PRLR: variants seen among roughly 807,000 people sequenced by gnomAD.
PRLR encodes the protein hPRL receptor.
PRLR carries 13 observed loss-of-function variants against 40.2 expected under a neutral mutation model. The observed-to-expected ratio is 0.32, with a 90% CI of 0.21 to 0.51. The LOEUF (loss-of-function observed/expected upper bound fraction) is 0.51. PRLR is among the 20% of genes least tolerant of loss of function. The pLI, the probability that PRLR is intolerant of heterozygous loss-of-function variation, is 0.97. For synonymous variants in PRLR, 269 were observed against 278.7 expected (o/e 0.97, Z 0.35); for missense variants, 656 against 747.3 (o/e 0.88, Z 1.42).
chr5:35,179,711 G>C (rs1358305510), intron 1 of PRLR, among the ~76,000 whole-genome samples: 1 of 152,112 alleles, frequency 6.6e-6, no homozygotes, highest in Non-Finnish European at 1.5e-5. Context: ...ATTTCATGTT[G>C]GATTATAATC....
intron 1 of PRLR, among the ~76,000 whole-genome samples, chr5:35,202,920 A>C (rs1775918337): frequency 6.6e-6 from 1 of 152,214 alleles, no homozygotes; most frequent in Non-Finnish European, 1.5e-5. Context: ...TGAAAATACC[A>C]GTGCAAATTC....
At chr5:35,111,892 T>C (rs1772682666) in intron 2 of PRLR, among the ~76,000 whole-genome samples, 1 of 152,192 alleles carries the variant, frequency 6.6e-6, no homozygotes, top group African/African-American at 2.4e-5. Context: ...GTGATTACTT[T>C]TGTAATAAAA....
chr5:35,189,817 C>T (rs1436365714), intron 1 of PRLR, among the ~76,000 whole-genome samples: 1 of 152,124 alleles, frequency 6.6e-6, no homozygotes, highest in Non-Finnish European at 1.5e-5. Context: ...GTGAAGAGTT[C>T]ATGATTTCCA....
At chr5:35,110,827 C>G (rs887395056) in intron 2 of PRLR, among the ~76,000 whole-genome samples, 1 of 152,178 alleles carries the variant, frequency 6.6e-6, no homozygotes, top group Non-Finnish European at 1.5e-5. Context: ...CACATTGTCC[C>G]CCAACAGAAA....
rs991397917 is a variant in PRLR at position 35,218,827 on chromosome 5, C to T, written c.-106+11441G>A. On this transcript the variant is annotated intron_variant, in intron 1 of 9. Coordinates refer to ENST00000618457, the MANE Select transcript of PRLR (RefSeq NM_000949.7). ...GTTTCCAAAGGCCAGCCTCAGATGG[C>T]CGTGGGGAGCAATTAGAATTTGCTT... Among the ~76,000 whole-genome samples the T allele has an allele frequency of 3.3e-5, 5 of 151,724 alleles. 1 individual carries two copies. Among genetic ancestry groups the T allele is most frequent in the Non-Finnish European group, 7.4e-5 (5 of 67,972 alleles).
intron 1 of PRLR, among the ~76,000 whole-genome samples, chr5:35,164,089 C>T (rs750227312): frequency 1.4e-4 from 22 of 152,210 alleles, no homozygotes; most frequent in Non-Finnish European, 2.1e-4. Context: ...CCGTCAGTCA[C>T]GTCATTTTTG....
intron 2 of PRLR, among the ~76,000 whole-genome samples, chr5:35,113,460 TCC>T (rs1772816566): frequency 4.5e-5 from 6 of 133,422 alleles, no homozygotes; most frequent in Non-Finnish European, 6.4e-5. Flanking sequence ...TATCCATCCA[TCC>T]ATCCATCCAT....
At chr5:35,093,407 A>G (rs971462443) in intron 2 of PRLR, among the ~76,000 whole-genome samples, 4 of 152,216 alleles carry the variant, frequency 2.6e-5, no homozygotes, top group Admixed American at 1.3e-4. Context: ...CCTGCCTGCC[A>G]GCAATCTCAG....
chr5:35,135,791 C>G (rs981827953), intron 1 of PRLR, among the ~76,000 whole-genome samples: 1 of 152,176 alleles, frequency 6.6e-6, no homozygotes, highest in African/African-American at 2.4e-5. Flanking sequence ...CTTGGGCAGC[C>G]ATGTTTTGTT....
chr5:35,072,236 T>C (rs1043082670), intron 6 of PRLR, among the ~76,000 whole-genome samples: 12 of 152,066 alleles, frequency 7.9e-5, no homozygotes, highest in African/African-American at 2.9e-4. Flanking sequence ...AACACAGCCA[T>C]TGACTATGGA....
intron 6 of PRLR, 75 bp downstream of exon 6, chr5:35,072,500 G>T: frequency 6.8e-7 from 1 of 1,476,266 alleles, no homozygotes; most frequent in South Asian, 1.3e-5. Flanking sequence ...TAGGAGGAAT[G>T]ACCTGTTTTC....
At chr5:35,210,857 C>T (rs796182464) in intron 1 of PRLR, among the ~76,000 whole-genome samples, 3 of 152,172 alleles carry the variant, frequency 2.0e-5, no homozygotes, top group Admixed American at 6.5e-5. Context: ...ACAACAGGTG[C>T]GTGACACCAT....
intron 6 of PRLR, among the ~76,000 whole-genome samples, chr5:35,071,906 T>C (rs183816497): frequency 1.3e-5 from 2 of 150,764 alleles, no homozygotes; most frequent in East Asian, 3.9e-4. Context: ...AGCCTTTTTT[T>C]TTTTTCCAAA....
chr5:35,221,618 C>T (rs899025213), intron 1 of PRLR, among the ~76,000 whole-genome samples: 2 of 152,152 alleles, frequency 1.3e-5, no homozygotes, highest in African/African-American at 4.8e-5. Flanking sequence ...CCTGGATGCA[C>T]ATTATAAACC....
At chr5:35,202,516 T>C (rs1184790426) in intron 1 of PRLR, among the ~76,000 whole-genome samples, 5 of 152,162 alleles carry the variant, frequency 3.3e-5, no homozygotes, top group Non-Finnish European at 5.9e-5. Flanking sequence ...CTCTGCCTAC[T>C]TGTTCATTAA....
At chr5:35,193,201 T>C (rs1194034277) in intron 1 of PRLR, among the ~76,000 whole-genome samples, 2 of 152,148 alleles carry the variant, frequency 1.3e-5, no homozygotes, top group Non-Finnish European at 2.9e-5. Context: ...ACTCCCGTAG[T>C]TATGCAACAG....
At chr5:35,095,485 A>G (rs892105849) in intron 2 of PRLR, among the ~76,000 whole-genome samples, 1 of 152,208 alleles carries the variant, frequency 6.6e-6, no homozygotes, top group South Asian at 2.1e-4. Context: ...CCGCTCTTTC[A>G]GGAAGACATT....
chr5:35,117,755 T>A (rs1185758391), intron 2 of PRLR, among the ~76,000 whole-genome samples: 2 of 152,228 alleles, frequency 1.3e-5, no homozygotes, highest in African/African-American at 4.8e-5. Context: ...AATCTCTCAA[T>A]TACAGAAAAC....
chr5:35,203,307 T>A (rs1579798904), intron 1 of PRLR, among the ~76,000 whole-genome samples: 1 of 152,200 alleles, frequency 6.6e-6, no homozygotes, highest in East Asian at 1.9e-4. Flanking sequence ...CTCCTTTAGG[T>A]ACCTTTAAAT....
Sources: gnomAD v4.1 joint callset for allele counts (sites outside exome capture counted in the v4.1 genomes callset) on GRCh38, gnomAD v4.1.1 for gene constraint, MANE v1.5 for transcripts, NCBI Gene and HGNC (gene_info 2026-07-23, HGNC 2026-07-21) for gene names.